Variants in BABAM2 observed in about 807,000 individuals in gnomAD.
BABAM2 encodes the protein BRISC and BRCA1 A complex member 2.
In BABAM2, 31 loss-of-function variants were observed where a neutral mutation model predicts 54.7. The ratio of observed to expected loss-of-function variants is 0.57; its 90% CI spans 0.43 to 0.77. The LOEUF is 0.77. Among genes scored for constraint, BABAM2 ranks in the 30% least tolerant of loss-of-function variants. The pLI, the probability that BABAM2 is intolerant of heterozygous loss-of-function variation, is 0.00. For missense variants in BABAM2, 364 were observed against 455.8 expected, an observed-to-expected ratio of 0.80 and a Z score of 1.83; for synonymous variants, 167 against 162.9, an observed-to-expected ratio of 1.03 and a Z score of -0.19.
intron 8 of BABAM2, among the ~76,000 whole-genome samples, chr2:28,240,970 G>A (rs977586833): frequency 2.6e-5 from 4 of 151,842 alleles, no homozygotes; most frequent in African/African-American, 9.7e-5. Context: ...TTTGAAAATG[G>A]ACAGGGTACT....
chr2:28,268,825 A>G (rs570997264), intron 10 of BABAM2, among the ~76,000 whole-genome samples: 22 of 152,166 alleles, frequency 1.4e-4, no homozygotes, highest in Non-Finnish European at 2.4e-4. Context: ...ACACTCATCC[A>G]TTGACTCAAT....
At chr2:28,058,658 G>C (rs1678620279) in intron 6 of BABAM2, among the ~76,000 whole-genome samples, 1 of 151,952 alleles carries the variant, frequency 6.6e-6, no homozygotes, top group African/African-American at 2.4e-5. Flanking sequence ...GGAGAGGAAA[G>C]GTGCCAGAAC....
At chr2:28,142,108 G>A (rs1473653532) in intron 7 of BABAM2, among the ~76,000 whole-genome samples, 1 of 152,114 alleles carries the variant, frequency 6.6e-6, no homozygotes, top group Non-Finnish European at 1.5e-5. Context: ...ATTTTCCTGT[G>A]TGAAGTTTTA....
At position 28,144,934 on chromosome 2, in the gene BABAM2, G is replaced by A. The variant is rs539104259; in HGVS notation, c.680+15554G>A. On this transcript the variant is annotated intron_variant, in intron 7 of 11. Transcript: ENST00000379624. Reference sequence around the variant, plus strand: ...GCTACCCACTAGTTCCTTGGAGGGGGCTCCGGACCATGGAGGTCACACACC... The same window carrying A: ...GCTACCCACTAGTTCCTTGGAGGGGACTCCGGACCATGGAGGTCACACACC... 4.6e-5 allele frequency among the ~76,000 whole-genome samples: 7 copies of A among 152,290 alleles called. No individual in the cohort carries two copies. In the South Asian group the frequency reaches 1.5e-3, roughly 32 times the overall value.
At chr2:27,964,977 G>C (rs1258204382) in intron 3 of BABAM2, among the ~76,000 whole-genome samples, 3 of 152,156 alleles carry the variant, frequency 2.0e-5, no homozygotes, top group Admixed American at 6.5e-5. Context: ...TTTTGTTACA[G>C]GAGAAATTGA....
intron 3 of BABAM2, among the ~76,000 whole-genome samples, chr2:27,946,331 C>G (rs1237602469): frequency 6.6e-6 from 1 of 152,180 alleles, no homozygotes; most frequent in Non-Finnish European, 1.5e-5. Context: ...ACCACTGTTG[C>G]ATTCTGCAGA....
At chr2:27,897,502 A>G (rs537538177) in intron 2 of BABAM2, among the ~76,000 whole-genome samples, 8 of 152,236 alleles carry the variant, frequency 5.3e-5, no homozygotes, top group Admixed American at 3.9e-4. Context: ...TTTGGTAGAA[A>G]GAACTCTGGT....
In BABAM2 at chr2:27,929,148, T is replaced by G. The variant is rs557846519; in HGVS notation, c.129-684T>G. On this transcript the variant is annotated intron_variant, in intron 2 of 11. Coordinates refer to ENST00000379624, the MANE Select transcript of BABAM2 (RefSeq NM_199191.3). ...TGGGAGGAGCTTGAGCCTGAGAGATTGAGGCTGCAGTGAGCAGAGATTGCA... is the reference window on the plus strand; with the variant it reads ...TGGGAGGAGCTTGAGCCTGAGAGATGGAGGCTGCAGTGAGCAGAGATTGCA... Among the ~76,000 whole-genome samples, 12 of 151,830 alleles carry G rather than the reference T, an allele frequency of 7.9e-5. No individual in the cohort carries two copies. The East Asian group carries it at 2.3e-3, about 29-fold the overall frequency.
intron 6 of BABAM2, among the ~76,000 whole-genome samples, chr2:28,104,267 G>C (rs911732375): frequency 1.3e-4 from 20 of 152,122 alleles, no homozygotes; most frequent in African/African-American, 4.1e-4. Context: ...CCTACAGAAT[G>C]GGAGAAAATT....
chr2:28,265,540 A>G (rs1270614604), intron 10 of BABAM2, among the ~76,000 whole-genome samples: 1 of 151,864 alleles, frequency 6.6e-6, no homozygotes, highest in Non-Finnish European at 1.5e-5. Context: ...CCTCTCCATG[A>G]CTCCTGGGTA....
At position 28,024,368 on chromosome 2, in the gene BABAM2, T is replaced by C. The variant is rs201226741; in HGVS notation, c.301-858T>C. On this transcript the variant is annotated intron_variant, in intron 4 of 11. Coordinates refer to ENST00000379624, the MANE Select transcript of BABAM2 (RefSeq NM_199191.3). ...TTGCAGTGAGCCGAGATCGCACCACTGCACTCCAGCCTGGGCGACAGAGCG... is the reference window on the plus strand; with the variant it reads ...TTGCAGTGAGCCGAGATCGCACCACCGCACTCCAGCCTGGGCGACAGAGCG... 6.6e-5 allele frequency among the ~76,000 whole-genome samples: 10 copies of C among 150,916 alleles called. No individual in the cohort carries two copies. In the East Asian group the frequency reaches 2.0e-3, roughly 29 times the overall value.
intron 3 of BABAM2, among the ~76,000 whole-genome samples, chr2:27,940,698 T>C (rs1305781310): frequency 6.6e-6 from 1 of 152,168 alleles, no homozygotes; most frequent in African/African-American, 2.4e-5. Flanking sequence ...GGCTGTTTTA[T>C]TATAAGAAAC....
chr2:27,953,110 C>G (rs1430857379), intron 3 of BABAM2, among the ~76,000 whole-genome samples: 23 of 152,152 alleles, frequency 1.5e-4, no homozygotes, highest in Admixed American at 1.5e-3. Context: ...CAGACTCGAA[C>G]TCCTGAGTTT....
At chr2:28,038,259 C>G (rs1676809124) in intron 5 of BABAM2, among the ~76,000 whole-genome samples, 1 of 152,120 alleles carries the variant, frequency 6.6e-6, no homozygotes, top group Non-Finnish European at 1.5e-5. Context: ...TTTGACTTAG[C>G]TTTAAAAAAA....
chr2:28,192,944 G>C (rs1677101600), intron 7 of BABAM2, among the ~76,000 whole-genome samples: 1 of 151,938 alleles, frequency 6.6e-6, no homozygotes, highest in African/African-American at 2.4e-5. Context: ...AGGCCGAGAT[G>C]GGTGGATCGC....
intron 10 of BABAM2, among the ~76,000 whole-genome samples, chr2:28,285,707 C>G (rs1043754719): frequency 2.6e-5 from 4 of 152,012 alleles, no homozygotes; most frequent in Admixed American, 2.6e-4. Flanking sequence ...CTCAGCATCT[C>G]CCTTGAACAT....
At chr2:28,189,221 CT>C (rs965778017) in intron 7 of BABAM2, among the ~76,000 whole-genome samples, 6 of 152,008 alleles carry the variant, frequency 3.9e-5, no homozygotes, top group Non-Finnish European at 7.4e-5. Flanking sequence ...AAGGATTTCT[CT>C]TCTGTTTGCT....
chr2:28,106,358 C>A (rs990280100), intron 6 of BABAM2, among the ~76,000 whole-genome samples: 1 of 152,114 alleles, frequency 6.6e-6, no homozygotes, highest in Non-Finnish European at 1.5e-5. Flanking sequence ...TGAGCTCAAG[C>A]GCTCCTCCCA....
chr2:28,053,406 A>G (rs890273345), intron 6 of BABAM2, among the ~76,000 whole-genome samples: 8 of 152,342 alleles, frequency 5.3e-5, no homozygotes, highest in Admixed American at 4.6e-4. Context: ...CTTATCTTAA[A>G]GGAAATAATT....
Sources: allele counts gnomAD v4.1 joint callset (sites outside exome capture counted in the v4.1 genomes callset), GRCh38; gene constraint gnomAD v4.1.1; transcripts MANE v1.5; gene names NCBI Gene and HGNC (gene_info 2026-07-23, HGNC 2026-07-21).